The following KIZ variants were observed in gnomAD, a reference collection of about 807,000 sequenced individuals.
The protein encoded by KIZ is centrosomal protein kizuna.
A neutral mutation model predicts 79.6 loss-of-function variants in KIZ; 68 were observed. The ratio of observed to expected loss-of-function variants is 0.85; its 90% confidence interval spans 0.70 to 1.05. KIZ has a LOEUF of 1.05. KIZ is among the 50% of genes least tolerant of loss of function. KIZ has a pLI of 0.00. For synonymous variants in KIZ, 280 were observed against 281.8 expected, an observed-to-expected ratio of 0.99 and a Z score of 0.06; for missense variants, 797 against 800.4, an observed-to-expected ratio of 1.00 and a Z score of 0.05.
At chr20:21,194,481 T>G (rs923293528) in intron 6 of KIZ, 1 of 152,252 alleles carries the variant, frequency 6.6e-6, no homozygotes, top group Non-Finnish European at 1.5e-5. Flanking sequence ...TTGAGTTCTT[T>G]TGAGCAAAAG....
chr20:21,165,275 G>A (rs1318720293), intron 6 of KIZ, among the ~76,000 whole-genome samples: 1 of 152,166 alleles, frequency 6.6e-6, no homozygotes. Flanking sequence ...AGTCTGTATA[G>A]GCTTTGAAGG....
chr20:21,245,654 A>G (rs1288166412), intron 12 of KIZ: 1 of 152,216 alleles, frequency 6.6e-6, no homozygotes, highest in Non-Finnish European at 1.5e-5. Context: ...GCTCCAATTC[A>G]CAGACGCGCC....
chr20:21,210,810 A>AT (rs934926650), intron 7 of KIZ, among the ~76,000 whole-genome samples: 10 of 151,462 alleles, frequency 6.6e-5, no homozygotes, highest in East Asian at 1.9e-4. Context: ...ATGACATCCA[A>AT]TTTTTTTTGT....
intron 12 of KIZ, chr20:21,246,114 G>C (rs2037377935): frequency 4.5e-6 from 1 of 222,128 alleles, no homozygotes; most frequent in Admixed American, 6.0e-5. Context: ...AATGGGAGAT[G>C]AAAGTGGAGG....
intron 6 of KIZ, among the ~76,000 whole-genome samples, chr20:21,188,539 C>T (rs1213586678): frequency 6.6e-6 from 1 of 151,264 alleles, no homozygotes; most frequent in Non-Finnish European, 1.5e-5. Context: ...TTGACTGTGA[C>T]CCTTATGATG....
intron 4 of KIZ, among the ~76,000 whole-genome samples, chr20:21,157,095 T>TA (rs559394746): frequency 3.0e-4 from 45 of 149,468 alleles, no homozygotes; most frequent in African/African-American, 3.7e-4. Context: ...TCTCTATAAA[T>TA]AAAAAAAAAA....
Position 21,175,860 on chromosome 20 carries a change from A to G in KIZ, c.1352+12701A>G, listed in dbSNP as rs138445730. 2.9e-3 allele frequency among the ~76,000 whole-genome samples: 443 copies of G among 152,232 alleles called. 3 individuals are homozygous for G. The highest frequency in any genetic ancestry group is 4.3e-3 in the Non-Finnish European group (293 of 68,014). On this transcript the variant is annotated intron_variant, in intron 6 of 12. Coordinates refer to ENST00000619189, the MANE Select transcript of KIZ (RefSeq NM_018474.6). The stretch of plus-strand genomic sequence containing the variant: ...TGAAAGCTGGTCTCTACCAAAAAAT[A>G]CAAAAATTAGCCAGTCATGGTGGCA...
chr20:21,180,560 T>G (rs1003263803), intron 6 of KIZ, among the ~76,000 whole-genome samples: 1 of 152,158 alleles, frequency 6.6e-6, no homozygotes, highest in Admixed American at 6.5e-5. Context: ...AAACTCAACT[T>G]CTTTCAATAC....
At chr20:21,232,971 G>A in intron 11 of KIZ, 141 bp downstream of exon 11, 1 of 611,470 alleles carries the variant, frequency 1.6e-6, no homozygotes, top group South Asian at 2.0e-5. Context: ...TAAAATAACA[G>A]TTGAAACTTT....
chr20:21,145,821 TTTAA>T (rs2032818177), intron 4 of KIZ, among the ~76,000 whole-genome samples, 167 bp downstream of exon 4: 1 of 152,204 alleles, frequency 6.6e-6, no homozygotes, highest in African/African-American at 2.4e-5. Context: ...TAATGTCTAA[TTTAA>T]TTAAGTTTGC....
rs930234981 is a variant in KIZ at position 21,188,335 on chromosome 20, A to G, written c.1353-17156A>G. Among the ~76,000 whole-genome samples, 8 of 152,226 alleles carry G rather than the reference A, an allele frequency of 5.3e-5. No individual in the cohort carries two copies. The East Asian group carries it at 1.5e-3, about 29-fold the overall frequency. On this transcript the variant is annotated intron_variant, in intron 6 of 12. Coordinates refer to ENST00000619189, the MANE Select transcript of KIZ (RefSeq NM_018474.6). ...GAGTTTCCCCACTCAGTCTGTTAGC[A>G]TTCAATCATACTTACCTTCTTGGCC...
chr20:21,241,072 A>G (rs982620109), intron 11 of KIZ, among the ~76,000 whole-genome samples: 2 of 152,228 alleles, frequency 1.3e-5, no homozygotes, highest in Non-Finnish European at 2.9e-5. Flanking sequence ...TGGTGACCAT[A>G]TCTCATGGCC....
At chr20:21,179,955 A>G (rs1249861224) in intron 6 of KIZ, among the ~76,000 whole-genome samples, 4 of 152,170 alleles carry the variant, frequency 2.6e-5, no homozygotes, top group African/African-American at 9.6e-5. Flanking sequence ...TTAAATTTGT[A>G]AGACTTGTTT....
At chr20:21,198,949 G>C (rs889626458) in intron 6 of KIZ, 1 of 152,288 alleles carries the variant, frequency 6.6e-6, no homozygotes, top group Admixed American at 6.5e-5. Flanking sequence ...AGGTCATTTG[G>C]TGATTGTGTG....
At chr20:21,166,074 C>T (rs2033918471) in intron 6 of KIZ, 1 of 625,332 alleles carries the variant, frequency 1.6e-6, no homozygotes, top group South Asian at 2.0e-5. Context: ...TCAAGCAATT[C>T]TCCTGCCTCA....
chr20:21,246,214 A>G, intron 12 of KIZ: 1 of 450,518 alleles, frequency 2.2e-6, no homozygotes, highest in Non-Finnish European at 3.9e-6. Context: ...CTATCCTATA[A>G]TAAAGAGTTG....
intron 4 of KIZ, among the ~76,000 whole-genome samples, chr20:21,154,891 A>G (rs938728381): frequency 6.6e-6 from 1 of 152,252 alleles, no homozygotes; most frequent in African/African-American, 2.4e-5. Flanking sequence ...GCCTGATCTC[A>G]GCAAATGGGA....
At chr20:21,237,301 C>CAAA (rs72536116) in intron 11 of KIZ, among the ~76,000 whole-genome samples, 2 of 58,622 alleles carry the variant, frequency 3.4e-5, no homozygotes, top group Admixed American at 1.6e-4. Context: ...AACTCCGTCT[C>CAAA]AAAAAAAAAA....
intron 1 of KIZ, among the ~76,000 whole-genome samples, chr20:21,127,111 T>G (rs1334504436): frequency 6.6e-6 from 1 of 152,238 alleles, no homozygotes; most frequent in Admixed American, 6.5e-5. Context: ...AGTGAGCGAT[T>G]TTGAAAAGGA....
Sources: gnomAD v4.1 joint callset for allele counts (sites outside exome capture counted in the v4.1 genomes callset) on GRCh38, gnomAD v4.1.1 for gene constraint, MANE v1.5 for transcripts, NCBI Gene and HGNC (gene_info 2026-07-23, HGNC 2026-07-21) for gene names.